The following LRRC41 variants were observed in gnomAD, a reference collection of about 807,000 sequenced individuals.
The protein encoded by LRRC41 is leucine rich repeat containing 41.
A neutral mutation model predicts 72.1 loss-of-function variants in LRRC41; 17 were observed. The ratio of observed to expected loss-of-function variants is 0.24; its 90% CI spans 0.16 to 0.35. LRRC41 has a LOEUF of 0.35. LRRC41 is among the 10% of genes least tolerant of loss of function. The pLI is 1.00. For synonymous variants in LRRC41, 427 were observed against 431.0 expected, an observed-to-expected ratio of 0.99 and a Z score of 0.11; for missense variants, 759 against 1,065.0, an observed-to-expected ratio of 0.71 and a Z score of 4.00.
intron 1 of LRRC41, among the ~76,000 whole-genome samples, chr1:46,300,998 A>G (rs959925895): frequency 6.6e-6 from 1 of 152,106 alleles, no homozygotes; most frequent in Admixed American, 6.5e-5. Flanking sequence ...GGATGGTGGT[A>G]TGTACAGCAG....
rs11576358 is a variant in LRRC41 at position 46,280,571 on chromosome 1, T to C, written c.1757-11A>G. ...GCTCCAGGCAGTTTTCTGGATATGG[T>C]GGGGAAAGAAGATTCCAGCTGGCCA... On this transcript the variant is annotated splice_polypyrimidine_tract_variant and intron_variant, in intron 5 of 9. Coordinates refer to ENST00000617190, the MANE Select transcript of LRRC41 (RefSeq NM_006369.5). 1 of 1,612,358 alleles carries C rather than the reference T, an allele frequency of 6.2e-7. No homozygotes were observed. The highest frequency in any genetic ancestry group is 8.5e-7 in the Non-Finnish European group (1 of 1,179,432).
At chr1:46,284,595 G>T (rs1052275908) in intron 4 of LRRC41, among the ~76,000 whole-genome samples, 2 of 152,082 alleles carry the variant, frequency 1.3e-5, no homozygotes, top group African/African-American at 2.4e-5. Context: ...AAGGATGGTG[G>T]TCTCTTCTAT....
In LRRC41 at chr1:46,297,610, G is replaced by A. The variant is rs751770100; in HGVS notation, c.310C>T (p.Arg104Cys). Residue 104 changes from arginine (R) to cysteine (C), a missense_variant, in exon 3 of 10, where the codon CGC (arginine) becomes TGC (cysteine). By Grantham distance (180) the Arg-to-Cys change is radical. Transcript: ENST00000617190. ...TTCATCAGTTCATCCCAGAGTCGGC[G>A]CCAGATGGCCTGAGTTGAGAGGCCT... ...KKGLSTQAIW[R>C]RLWDELMKTR... The A allele has an allele frequency of 1.2e-6, 2 of 1,614,096 alleles. No homozygotes were observed. Among genetic ancestry groups the A allele is most frequent in the Non-Finnish European group, 1.7e-6 (2 of 1,179,958 alleles).
chr1:46,291,776 T>C (rs1661024753), intron 3 of LRRC41, among the ~76,000 whole-genome samples: 1 of 150,796 alleles, frequency 6.6e-6, no homozygotes, highest in East Asian at 2.0e-4. Flanking sequence ...GCCAGGCTGG[T>C]CTTGAACTCC....
chr1:46,282,471 G>A (rs1018688586), intron 4 of LRRC41, among the ~76,000 whole-genome samples: 1 of 152,182 alleles, frequency 6.6e-6, no homozygotes, highest in Non-Finnish European at 1.5e-5. Flanking sequence ...CTAGTGAGCA[G>A]CACATTGCTT....
At position 46,278,484 on chromosome 1, in the gene LRRC41, G is replaced by C. The variant is rs1660692071; in HGVS notation, c.*381C>G. Reference sequence around the variant, plus strand: ...AGGTATGAAAGGGTTTGAGGCCTGAGAGCAGTGTGGTAAGCCCAGCAGGGA... The same window carrying C: ...AGGTATGAAAGGGTTTGAGGCCTGACAGCAGTGTGGTAAGCCCAGCAGGGA... On this transcript the variant is annotated 3_prime_UTR_variant, in exon 10 of 10. Coordinates refer to ENST00000617190, the MANE Select transcript of LRRC41 (RefSeq NM_006369.5). 2 of 685,516 alleles carry C rather than the reference G, an allele frequency of 2.9e-6. No individual in the cohort carries two copies. The highest frequency in any genetic ancestry group is 3.8e-5 in the South Asian group (2 of 53,324). 42.5% of individuals were successfully genotyped at this position (685,516 alleles called of 1,614,324 possible).
At chr1:46,301,847 T>A in intron 1 of LRRC41, 14 of 464,656 alleles carry the variant, frequency 3.0e-5, no homozygotes, top group South Asian at 9.2e-5. Context: ...CCAGCAGGCC[T>A]CGGCCGGGCC....
In LRRC41 at chr1:46,279,484, GC is replaced by G; in HGVS notation, c.2143+7del. ...TTCCCCTCTCCCTCCCCAGGGTCTG[GC>G]CCCCACCCAGGCGGTTCCCTGGCAG... is the stretch of plus-strand genomic sequence containing the variant. On this transcript the variant is annotated splice_region_variant and intron_variant, in intron 8 of 9. Coordinates refer to ENST00000617190, the MANE Select transcript of LRRC41 (RefSeq NM_006369.5). The surrounding 1 kb of genome is among the most constrained non-coding windows in gnomAD (Gnocchi z 4.5). 6.2e-7 allele frequency: 1 copy of G among 1,614,132 alleles called. No individual in the cohort carries two copies. Among genetic ancestry groups the G allele is most frequent in the Non-Finnish European group, 8.5e-7 (1 of 1,180,030 alleles).
rs1661246749 is a variant in LRRC41 at position 46,302,140 on chromosome 1, A to G, written c.199+984T>C. 2 of 984,440 alleles carry G rather than the reference A, an allele frequency of 2.0e-6. No homozygotes were observed. Among genetic ancestry groups the G allele is most frequent in the African/African-American group, 3.5e-5 (2 of 56,996 alleles). 61.0% of individuals were successfully genotyped at this position (984,440 alleles called of 1,614,324 possible). A position where few individuals can be genotyped will look rare whatever the true frequency, so the allele number is the denominator to read the frequency against. ...CGGCGCCCCAGGCCGCCCTCCATCC[A>G]GGCCCGGCCCTTTGGTCCCGGCCGC... On this transcript the variant is annotated intron_variant, in intron 1 of 9. Transcript: ENST00000617190. This position sits in a 1 kb window ranked among gnomAD's most constrained non-coding sequence, Gnocchi z 4.7.
At chr1:46,287,002 CAT>C (rs1428736634) in intron 3 of LRRC41, among the ~76,000 whole-genome samples, 4 of 150,658 alleles carry the variant, frequency 2.7e-5, no homozygotes, top group Admixed American at 2.6e-4. Context: ...TATGTTTCAT[CAT>C]ATTGACCAGG....
At chr1:46,294,225 A>G (rs1301104894) in intron 3 of LRRC41, among the ~76,000 whole-genome samples, 1 of 150,510 alleles carries the variant, frequency 6.6e-6, no homozygotes, top group Non-Finnish European at 1.5e-5. Context: ...CTCCCACCTC[A>G]GCCTCCTGAG....
In LRRC41 at chr1:46,285,663, C is replaced by G; in HGVS notation, c.1194G>C (p.Lys398Asn). 6.2e-7 allele frequency: 1 copy of G among 1,614,114 alleles called. No homozygotes were observed. The highest frequency in any genetic ancestry group is 1.1e-5 in the South Asian group (1 of 91,066). Residue 398 changes from lysine to asparagine, a missense_variant, in exon 4 of 10, where the codon AAG (lysine) becomes AAC (asparagine). Around this residue, in one of 4 missense-constraint regions of LRRC41, gnomAD observed 427 missense variants for 520.9 expected, o/e 0.82. Coordinates refer to ENST00000617190, the MANE Select transcript of LRRC41 (RefSeq NM_006369.5). The surrounding 1 kb of genome is among the most constrained non-coding windows in gnomAD (Gnocchi z 5.3). ...LKRFKRAAGK[K>N]GARTRQGPGA... ...CAGGCCCCTGACGGGTGCGAGCACCCTTCTTCCCTGCAGCTCGCTTGAAAC... is the reference window on the plus strand; with the variant it reads ...CAGGCCCCTGACGGGTGCGAGCACCGTTCTTCCCTGCAGCTCGCTTGAAAC...
At chr1:46,292,351 G>T (rs918269261) in intron 3 of LRRC41, among the ~76,000 whole-genome samples, 1 of 152,014 alleles carries the variant, frequency 6.6e-6, no homozygotes, top group Non-Finnish European at 1.5e-5. Flanking sequence ...TCTTGCCTTG[G>T]TGTTCTAAAG....
chr1:46,279,641 T>C lies in LRRC41; in HGVS notation c.2021-27A>G. On this transcript the variant is annotated intron_variant, in intron 7 of 9. Transcript: ENST00000617190. The surrounding 1 kb of genome is among the most constrained non-coding windows in gnomAD (Gnocchi z 4.5). ...TGTCAAGAAAAATTATAGTAAATTC[T>C]GATGGCTGCATTAGGACTGGTGCTG... The C allele has an allele frequency of 1.2e-6, 2 of 1,614,050 alleles. No homozygotes were observed. The highest frequency in any genetic ancestry group is 1.7e-6 in the Non-Finnish European group (2 of 1,179,954).
At position 46,285,425 on chromosome 1, in the gene LRRC41, G is replaced by A; in HGVS notation, c.1432C>T (p.Leu478=). The A allele has an allele frequency of 1.2e-6, 2 of 1,614,178 alleles. No individual in the cohort carries two copies. The highest frequency in any genetic ancestry group is 1.7e-6 in the Non-Finnish European group (2 of 1,180,034). ...GAGCTCAGCAGGTGGCATAGTGTCA[G>A]GGCTGCCTCTGTGGAGAGTGGAACT... ...FTVPLSTEAA[L]TLCHLLSSWV... Residue 478 remains leucine (L), a synonymous_variant, in exon 4 of 10, where the codon CTG becomes TTG. Coordinates refer to ENST00000617190, the MANE Select transcript of LRRC41 (RefSeq NM_006369.5). The surrounding 1 kb of genome is among the most constrained non-coding windows in gnomAD (Gnocchi z 5.3).
chr1:46,287,556 T>G (rs1396001765), intron 3 of LRRC41, among the ~76,000 whole-genome samples: 1 of 152,218 alleles, frequency 6.6e-6, no homozygotes, highest in African/African-American at 2.4e-5. Flanking sequence ...CCTACTGCCC[T>G]TCCACCCTCT....
intron 3 of LRRC41, among the ~76,000 whole-genome samples, chr1:46,288,386 GA>G (rs1463158569): frequency 6.6e-6 from 1 of 152,204 alleles, no homozygotes. Flanking sequence ...GGATTGTTGT[GA>G]AGATCAAAAT....
intron 1 of LRRC41, among the ~76,000 whole-genome samples, chr1:46,301,522 C>T (rs975320797): frequency 1.3e-5 from 2 of 152,000 alleles, no homozygotes; most frequent in Admixed American, 1.3e-4. Context: ...CTAAAAGCCT[C>T]TTCCACCACC....
At chr1:46,295,123 G>A (rs1255742686) in intron 3 of LRRC41, among the ~76,000 whole-genome samples, 4 of 152,076 alleles carry the variant, frequency 2.6e-5, no homozygotes, top group African/African-American at 4.8e-5. Flanking sequence ...ACAGTGGTGC[G>A]ATCTTGGCTC....
Sources: allele counts gnomAD v4.1 joint callset (sites outside exome capture counted in the v4.1 genomes callset), GRCh38; gene constraint gnomAD v4.1.1; regional missense constraint gnomAD v4.1.1; non-coding constraint Gnocchi (gnomAD v3.1); transcripts MANE v1.5; gene names NCBI Gene and HGNC (gene_info 2026-07-23, HGNC 2026-07-21).